ATP9A: variants seen among roughly 807,000 people sequenced by gnomAD.
The protein encoded by ATP9A is probable phospholipid-transporting ATPase IIA.
A neutral mutation model predicts 144.1 loss-of-function variants in ATP9A; 52 were observed. The ratio of observed to expected loss-of-function variants is 0.36; its 90% CI spans 0.29 to 0.45. The LOEUF (loss-of-function observed/expected upper bound fraction) is 0.45, where lower values mean the gene tolerates loss of function less well. ATP9A is among the 20% of genes least tolerant of loss of function. The pLI, the probability that ATP9A is intolerant of heterozygous loss-of-function variation, is 1.00. For synonymous variants in ATP9A, 582 were observed against 557.4 expected, an observed-to-expected ratio of 1.04 and a Z score of -0.62; for missense variants, 947 against 1,392.7, an observed-to-expected ratio of 0.68 and a Z score of 5.09.
chr20:51,751,256 T>G (rs1483476811), intron 1 of ATP9A, among the ~76,000 whole-genome samples: 2 of 142,270 alleles, frequency 1.4e-5, no homozygotes, highest in Admixed American at 1.5e-4. Flanking sequence ...TTCTGGGTTT[T>G]TTTTGTTTTT....
chr20:51,700,247 A>T (rs1211398), intron 4 of ATP9A, among the ~76,000 whole-genome samples: 2 of 151,964 alleles, frequency 1.3e-5, no homozygotes, highest in Non-Finnish European at 2.9e-5. Flanking sequence ...GAGGCCGGAC[A>T]CAGTGACCCA....
chr20:51,675,375 G>T lies in ATP9A; in HGVS notation c.876+757C>A, dbSNP rs115976190. Among the ~76,000 whole-genome samples, 1,111 of 152,212 alleles carry T rather than the reference G, an allele frequency of 7.3e-3. 13 individuals carry two copies. The highest frequency in any genetic ancestry group is 0.025 in the African/African-American group (1,054 of 41,532). On this transcript the variant is annotated intron_variant, in intron 10 of 27. Transcript: ENST00000338821. ...TCTGACTCTTAAAAATTGGAGGAGG[G>T]GTAAGCTGTGATGGTGGGTCACGGT...
intron 22 of ATP9A, 148 bp downstream of exon 22, chr20:51,617,342 C>T (rs2077207334): frequency 2.5e-6 from 2 of 815,982 alleles, no homozygotes; most frequent in South Asian, 3.3e-5. Flanking sequence ...TCTATCTTCC[C>T]AGTGACACAA....
At chr20:51,654,650 A>G (rs1184840243) in intron 14 of ATP9A, among the ~76,000 whole-genome samples, 2 of 152,068 alleles carry the variant, frequency 1.3e-5, no homozygotes, top group African/African-American at 4.8e-5. Context: ...GCTCATACCC[A>G]CGAGTTCAGG....
chr20:51,746,519 C>T (rs1481859042), intron 1 of ATP9A, among the ~76,000 whole-genome samples: 4 of 151,152 alleles, frequency 2.6e-5, no homozygotes, highest in Non-Finnish European at 4.4e-5. Context: ...GCCAACATAG[C>T]TAAACGCTGT....
rs570206957 is a variant in ATP9A, at chr20:51,639,484, C to T, written c.1527G>A (p.Thr509=). 13 of 1,612,144 alleles carry T rather than the reference C, an allele frequency of 8.1e-6. No individual in the cohort carries two copies. In the East Asian group the frequency reaches 8.9e-5, roughly 11 times the overall value. Reference sequence around the variant, plus strand: ...CCACCAGGGTTAAGCCCACACTTTCCGTCCACTGTACCAGGGCCACCTAAA... The same window carrying T: ...CCACCAGGGTTAAGCCCACACTTTCTGTCCACTGTACCAGGGCCACCTAAA... The part of the protein sequence containing the change: ...SPDEVALVQW[T]ESVGLTLVGR... Residue 509 remains threonine (T), a synonymous_variant, in exon 15 of 28, where the codon ACG becomes ACA. Coordinates refer to ENST00000338821, the MANE Select transcript of ATP9A (RefSeq NM_006045.3).
At chr20:51,727,468 C>T (rs1052797800) in intron 2 of ATP9A, among the ~76,000 whole-genome samples, 24 of 151,604 alleles carry the variant, frequency 1.6e-4, no homozygotes, top group African/African-American at 5.8e-4. Context: ...CACCCGTAGT[C>T]CCAGCTACTC....
rs2077858427 is a variant in ATP9A, at chr20:51,756,828, T to C, written c.68+11474A>G. ...GCACAAGGCTTCCTTAATTACTAAA[T>C]CAGAAAGCTGACCTCATAGCAAGAA... On this transcript the variant is annotated intron_variant, in intron 1 of 27. Coordinates refer to ENST00000338821, the MANE Select transcript of ATP9A (RefSeq NM_006045.3). 3.3e-5 allele frequency among the ~76,000 whole-genome samples: 5 copies of C among 152,110 alleles called. No homozygotes were observed. In the South Asian group the frequency reaches 1.0e-3, roughly 32 times the overall value.
At chr20:51,687,243 T>C (rs2077527181) in intron 9 of ATP9A, among the ~76,000 whole-genome samples, 1 of 152,046 alleles carries the variant, frequency 6.6e-6, no homozygotes, top group Admixed American at 6.6e-5. Flanking sequence ...TCTCGCTCTT[T>C]AGTCATCAGG....
chr20:51,629,186 T>C (rs1273974045), intron 15 of ATP9A, 114 bp from the exon 16 acceptor site: 4 of 721,546 alleles, frequency 5.5e-6, no homozygotes, highest in Non-Finnish European at 8.9e-6. Context: ...ACACCAATGT[T>C]TTTTCAGTTG....
Position 51,639,476 on chromosome 20 carries a change from A to T in ATP9A, c.1535T>A (p.Val512Glu). The T allele has an allele frequency of 6.2e-7, 1 of 1,612,870 alleles. No individual in the cohort carries two copies. The highest frequency in any genetic ancestry group is 1.7e-4 in the Middle Eastern group (1 of 6,050). The change falls in exon 15 of 28, where the codon GTG becomes GAG. Residue 512 changes from valine to glutamate, a missense_variant. Physicochemically the swap from Val to Glu is moderately radical, Grantham distance 121. Coordinates refer to ENST00000338821, the MANE Select transcript of ATP9A (RefSeq NM_006045.3). ...EVALVQWTES[V>E]GLTLVGRDQS... ...GTCTCGGCCCACCAGGGTTAAGCCC[A>T]CACTTTCCGTCCACTGTACCAGGGC... is the stretch of plus-strand genomic sequence containing the variant.
chr20:51,720,931 A>G (rs2077686183), intron 3 of ATP9A, among the ~76,000 whole-genome samples: 1 of 152,250 alleles, frequency 6.6e-6, no homozygotes, highest in African/African-American at 2.4e-5. Flanking sequence ...GCCACCTGAT[A>G]CAGGCAGGAA....
chr20:51,664,696 A>C (rs1185241924), intron 13 of ATP9A, among the ~76,000 whole-genome samples: 3 of 152,136 alleles, frequency 2.0e-5, no homozygotes, highest in African/African-American at 7.2e-5. Flanking sequence ...AGGAACACTG[A>C]GAATTATAGA....
chr20:51,644,267 CTT>C (rs772071945), intron 14 of ATP9A, among the ~76,000 whole-genome samples: 3 of 75,996 alleles, frequency 3.9e-5, no homozygotes, highest in Non-Finnish European at 5.1e-5. Flanking sequence ...TTACTTCTAG[CTT>C]TTTTTTTTTT....
intron 1 of ATP9A, among the ~76,000 whole-genome samples, chr20:51,748,161 T>C (rs553499160): frequency 6.6e-6 from 1 of 152,114 alleles, no homozygotes; most frequent in Non-Finnish European, 1.5e-5. Flanking sequence ...AAAAAATACA[T>C]AGGCCAGGTG....
intron 14 of ATP9A, among the ~76,000 whole-genome samples, chr20:51,648,957 A>G (rs1379322580): frequency 6.6e-6 from 1 of 152,118 alleles, no homozygotes; most frequent in Non-Finnish European, 1.5e-5. Context: ...ATGAATCCTA[A>G]TGAGGTGGGT....
chr20:51,722,964 C>A (rs1342191219), intron 3 of ATP9A, among the ~76,000 whole-genome samples: 2 of 152,194 alleles, frequency 1.3e-5, no homozygotes, highest in African/African-American at 4.8e-5. Context: ...ACGCCCGCCA[C>A]CATGCCCAGC....
intron 1 of ATP9A, among the ~76,000 whole-genome samples, chr20:51,763,062 G>T (rs1460633821): frequency 2.0e-5 from 3 of 151,916 alleles, no homozygotes; most frequent in Non-Finnish European, 2.9e-5. Context: ...AAAACTTCAT[G>T]CTAAATTAAA....
chr20:51,670,123 C>CA lies in ATP9A; in HGVS notation c.1181-15dup, dbSNP rs2077449864. On this transcript the variant is annotated splice_polypyrimidine_tract_variant and intron_variant, in intron 12 of 27. Coordinates refer to ENST00000338821, the MANE Select transcript of ATP9A (RefSeq NM_006045.3). ...GGGTAAGAGTGCCTAAAACACAAGA[C>CA]AAATGAGTGGCCGGCCTGTCTCTCA... The CA allele has an allele frequency of 3.8e-6, 6 of 1,590,080 alleles. No individual in the cohort carries two copies. Among genetic ancestry groups the CA allele is most frequent in the Non-Finnish European group, 5.2e-6 (6 of 1,158,136 alleles).
Sources: gnomAD v4.1 joint callset for allele counts (sites outside exome capture counted in the v4.1 genomes callset) on GRCh38, gnomAD v4.1.1 for gene constraint, MANE v1.5 for transcripts, NCBI Gene and HGNC (gene_info 2026-07-23, HGNC 2026-07-21) for gene names.